Variants in SRP72 observed in about 807,000 individuals in gnomAD.
SRP72 encodes the protein signal recognition particle 72.
Under a neutral mutation model 96.3 loss-of-function variants are expected in SRP72, and 49 were observed. The ratio of observed to expected loss-of-function variants is 0.51; its 90% confidence interval spans 0.40 to 0.65. SRP72 has a LOEUF of 0.65. SRP72 is among the 30% of genes least tolerant of loss of function. SRP72 has a pLI of 0.00. For missense variants in SRP72, 736 were observed against 793.3 expected (o/e 0.93, Z 0.87); for synonymous variants, 267 against 275.2 (o/e 0.97, Z 0.30).
At chr4:56,497,266 C>A (rs1227297005) in intron 17 of SRP72, among the ~76,000 whole-genome samples, 1 of 150,098 alleles carries the variant, frequency 6.7e-6, no homozygotes, top group Non-Finnish European at 1.5e-5. Flanking sequence ...GTTGCCCAGG[C>A]TGGAGTGCAG....
intron 11 of SRP72, among the ~76,000 whole-genome samples, chr4:56,487,023 T>C (rs1383385974): frequency 6.6e-6 from 1 of 152,256 alleles, no homozygotes; most frequent in East Asian, 1.9e-4. Flanking sequence ...TCTTTGATTA[T>C]GCTAGCCACA....
At position 56,473,869 on chromosome 4, in the gene SRP72, A is replaced by G. The variant is rs529350561; in HGVS notation, c.355-185A>G. 3.9e-5 allele frequency among the ~76,000 whole-genome samples: 6 copies of G among 152,354 alleles called. No homozygotes were observed. The South Asian group carries it at 1.2e-3, about 32-fold the overall frequency. Reference sequence around the variant, plus strand: ...ATTCATTTTAAAAGTATTTTCAAAAAGTAATTTATTTGAAAGTATGACTAG... The same window carrying G: ...ATTCATTTTAAAAGTATTTTCAAAAGGTAATTTATTTGAAAGTATGACTAG... On this transcript the variant is annotated intron_variant, in intron 3 of 18. Transcript: ENST00000642900.
chr4:56,479,469 G>A (rs1310084191), intron 8 of SRP72, among the ~76,000 whole-genome samples: 1 of 150,850 alleles, frequency 6.6e-6, no homozygotes, highest in Non-Finnish European at 1.5e-5. Flanking sequence ...GTGAGCCACC[G>A]TGCCCGGCCA....
At chr4:56,486,449 A>G (rs1266198184) in intron 11 of SRP72, 52 bp downstream of exon 11, 2 of 1,456,200 alleles carry the variant, frequency 1.4e-6, no homozygotes, top group African/African-American at 1.4e-5. Flanking sequence ...CATGTTTGGA[A>G]TGATTAAGCA....
chr4:56,475,558 T>G, intron 5 of SRP72: 1 of 109,160 alleles, frequency 9.2e-6, no homozygotes, highest in Non-Finnish European at 1.7e-5. Context: ...TGAGACGCTG[T>G]CTCAAAAAAA....
intron 1 of SRP72, 59 bp from the exon 2 acceptor site, chr4:56,469,594 A>G: frequency 1.4e-6 from 2 of 1,460,590 alleles, no homozygotes; most frequent in East Asian, 2.4e-5. Context: ...GGGAAAATTT[A>G]GTAAAAATGT....
Position 56,484,817 on chromosome 4 carries a change from C to T in SRP72, c.1039C>T (p.Gln347Ter). The T allele has an allele frequency of 6.2e-7, 1 of 1,614,092 alleles. No homozygotes were observed. Among genetic ancestry groups the T allele is most frequent in the Non-Finnish European group, 8.5e-7 (1 of 1,180,014 alleles). Residue 347 changes from glutamine (Q) to a stop codon, truncating the protein, a stop_gained, in exon 10 of 19, where the codon CAG becomes TAG. Transcript: ENST00000642900. LOFTEE classifies it high-confidence loss of function. Reference protein sequence around the residue: ...HLLPVLIQAAQLCREKQHTKA... With the variant: ...HLLPVLIQAA ...CTTACCTGTGTTAATCCAAGCTGCC[C>T]AGCTCTGCCGTGAAAAGCAGCACAC...
chr4:56,499,052 C>CG (rs1721172798), intron 17 of SRP72, among the ~76,000 whole-genome samples: 1 of 152,108 alleles, frequency 6.6e-6, no homozygotes, highest in African/African-American at 2.4e-5. Flanking sequence ...CAGAATGGTA[C>CG]GGGTACCAAA....
chr4:56,501,132 G>T (rs1721250072), intron 18 of SRP72, among the ~76,000 whole-genome samples: 1 of 152,190 alleles, frequency 6.6e-6, no homozygotes, highest in Admixed American at 6.5e-5. Context: ...TTCTGGCCGG[G>T]CGCAGTGGCT....
At chr4:56,477,700 A>G (rs11722805) in intron 6 of SRP72, among the ~76,000 whole-genome samples, 1 of 152,134 alleles carries the variant, frequency 6.6e-6, no homozygotes, top group Non-Finnish European at 1.5e-5. Flanking sequence ...GCAGATACTC[A>G]CCAGGTGAGA....
intron 9 of SRP72, among the ~76,000 whole-genome samples, chr4:56,483,968 A>G (rs556289997): frequency 3.3e-5 from 5 of 151,104 alleles, no homozygotes; most frequent in Non-Finnish European, 7.4e-5. Context: ...TAAGCATTCT[A>G]ATTCTAATTT....
At chr4:56,494,576 G>A (rs1455144339) in intron 16 of SRP72, among the ~76,000 whole-genome samples, 1 of 151,812 alleles carries the variant, frequency 6.6e-6, no homozygotes, top group Non-Finnish European at 1.5e-5. Context: ...ACTAATTTTT[G>A]TATTTTTAGT....
At chr4:56,467,813 G>T in intron 1 of SRP72, 69 bp downstream of exon 1, 2 of 1,349,206 alleles carry the variant, frequency 1.5e-6, no homozygotes, top group South Asian at 1.7e-5. Context: ...TCCGGCGCGC[G>T]AGACCACCTC....
intron 2 of SRP72, among the ~76,000 whole-genome samples, chr4:56,470,807 G>A (rs905777892): frequency 6.7e-6 from 1 of 149,854 alleles, no homozygotes; most frequent in Non-Finnish European, 1.5e-5. Flanking sequence ...AAAACATTTT[G>A]TCAATGAGTC....
chr4:56,486,152 A>G, intron 10 of SRP72, 173 bp from the exon 11 acceptor site: 1 of 512,198 alleles, frequency 2.0e-6, no homozygotes, highest in South Asian at 3.7e-5. Context: ...TACCTTTAAG[A>G]AAAAAAGTGA....
intron 8 of SRP72, among the ~76,000 whole-genome samples, chr4:56,479,764 G>A (rs923884702): frequency 6.6e-6 from 1 of 152,042 alleles, no homozygotes; most frequent in African/African-American, 2.4e-5. Flanking sequence ...TTCCAGGGGT[G>A]AGCGACCACA....
chr4:56,489,214 C>A, intron 12 of SRP72, 174 bp from the exon 13 acceptor site: 1 of 417,732 alleles, frequency 2.4e-6, no homozygotes, highest in Non-Finnish European at 4.3e-6. Context: ...CACGGTTGTT[C>A]ATGGTATTTC....
At chr4:56,479,171 A>G (rs930597941) in intron 8 of SRP72, among the ~76,000 whole-genome samples, 7 of 151,744 alleles carry the variant, frequency 4.6e-5, no homozygotes, top group Middle Eastern at 3.2e-3. Context: ...CACCATTAGG[A>G]ACACTCTTTT....
Sources: gnomAD v4.1 joint callset for allele counts (sites outside exome capture counted in the v4.1 genomes callset) on GRCh38, gnomAD v4.1.1 for gene constraint, MANE v1.5 for transcripts, NCBI Gene and HGNC (gene_info 2026-07-23, HGNC 2026-07-21) for gene names.